Variants in ZNF177 observed in about 807,000 individuals in gnomAD.
The protein encoded by ZNF177 is zinc finger protein 177.
A neutral mutation model predicts 19.4 loss-of-function variants in ZNF177; 17 were observed. The ratio of observed to expected loss-of-function variants is 0.87; its 90% CI spans 0.60 to 1.31. The LOEUF (loss-of-function observed/expected upper bound fraction) is 1.31, where lower values mean the gene tolerates loss of function less well. Ranked by LOEUF, ZNF177 falls within the 40% of genes most tolerant of loss-of-function variation. The probability of loss-of-function intolerance (pLI) is 0.00; values close to 1 mark genes in which losing one functional copy is unlikely to be tolerated. For missense variants in ZNF177, 633 were observed against 561.8 expected (o/e 1.13, Z -1.28); for synonymous variants, 220 against 188.7 (o/e 1.17, Z -1.36).
intron 3 of ZNF177, 57 bp downstream of exon 5, chr19:9,379,145 A>C: frequency 6.5e-7 from 1 of 1,533,910 alleles, no homozygotes; most frequent in Non-Finnish European, 8.8e-7. Context: ...TTAAGCACAT[A>C]TTATGTTCCA....
At chr19:9,380,076 A>T in exon 5 of ZNF177, 1 of 1,611,764 alleles carries the variant, frequency 6.2e-7, no homozygotes, top group Non-Finnish European at 8.5e-7. Flanking sequence ...CTCAACTTAA[A>T]CCAAAAGATA....
At chr19:9,382,003 TTA>T in exon 6 of ZNF177, 1 of 629,328 alleles carries the variant, frequency 1.6e-6, no homozygotes, top group African/African-American at 1.8e-5. Context: ...AATATTTTAG[TTA>T]TCTTTTCAGT....
chr19:9,373,724 G>A (rs2068076100), upstream of ZNF177, among the ~76,000 whole-genome samples: 1 of 151,970 alleles, frequency 6.6e-6, no homozygotes, highest in African/African-American at 2.4e-5. Context: ...ATACCTACTG[G>A]CCATTTTTAT....
At chr19:9,372,732 G>GAA (rs781032606), upstream of ZNF177, among the ~76,000 whole-genome samples, 14 of 151,484 alleles carry the variant, frequency 9.2e-5, no homozygotes, top group Non-Finnish European at 1.8e-4. Context: ...TTTTAATAGA[G>GAA]AAAGGGTTTC....
exon 4 of ZNF177, chr19:9,379,607 G>A (rs556232508): frequency 6.2e-7 from 1 of 1,613,760 alleles, no homozygotes; most frequent in African/African-American, 1.3e-5. Context: ...AATTTTACAA[G>A]GTGACTGTGC....
At chr19:9,374,442 G>A (rs1023927676), upstream of ZNF177, among the ~76,000 whole-genome samples, 3 of 152,118 alleles carry the variant, frequency 2.0e-5, no homozygotes, top group Admixed American at 2.0e-4. Flanking sequence ...AATTTCATAG[G>A]AATTGCATTA....
chr19:9,369,927 G>T (rs1480794149), intron 2 of ZNF177, among the ~76,000 whole-genome samples: 1 of 151,906 alleles, frequency 6.6e-6, no homozygotes, highest in Non-Finnish European at 1.5e-5. Context: ...ATTTTTCCAT[G>T]TCACGAATTT....
chr19:9,374,616 ACT>A (rs985177555), upstream of ZNF177, among the ~76,000 whole-genome samples: 7 of 150,570 alleles, frequency 4.6e-5, no homozygotes, highest in African/African-American at 1.7e-4. Flanking sequence ...TCAGTATTTT[ACT>A]CTTTTTGATA....
At chr19:9,381,842 G>C in exon 6 of ZNF177, 1 of 1,525,782 alleles carries the variant, frequency 6.6e-7, no homozygotes. Flanking sequence ...ATATATTGGA[G>C]AGAAGCCCTG....
chr19:9,365,813 G>A (rs1316008589), intron 2 of ZNF177, among the ~76,000 whole-genome samples: 3 of 152,106 alleles, frequency 2.0e-5, no homozygotes, highest in Non-Finnish European at 2.9e-5. Flanking sequence ...ATGAGAAAGA[G>A]GTTGAGGGAT....
At chr19:9,370,213 G>A (rs1599385562) in intron 2 of ZNF177, among the ~76,000 whole-genome samples, 1 of 151,770 alleles carries the variant, frequency 6.6e-6, no homozygotes, top group African/African-American at 2.4e-5. Flanking sequence ...ATATCCATGG[G>A]GGACTGGTTC....
intron 2 of ZNF177, among the ~76,000 whole-genome samples, chr19:9,367,725 A>G (rs895721319): frequency 7.2e-5 from 11 of 152,208 alleles, no homozygotes; most frequent in Non-Finnish European, 1.3e-4. Context: ...CCCTTTGATA[A>G]GTTAAACTGT....
chr19:9,371,543 C>G (rs2068047464), upstream of ZNF177: 3 of 152,084 alleles, frequency 2.0e-5, no homozygotes. Context: ...AGACATTGTC[C>G]TGCTTTCTTC....
chr19:9,378,183 A>C, intron 1 of ZNF177, 76 bp from the exon 4 acceptor site: 1 of 1,387,614 alleles, frequency 7.2e-7, no homozygotes, highest in Non-Finnish European at 9.6e-7. Context: ...CCCTTTAGTA[A>C]GAAGAAGCTT....
At position 9,365,412 on chromosome 19, in the gene ZNF177, C is replaced by CG. The variant is rs200049973; in HGVS notation, c.-305+470dup. On this transcript the variant is annotated intron_variant, in intron 2 of 8. Coordinates refer to the ZNF177 transcript ENST00000343499. Reference sequence around the variant, plus strand: ...GGGTAGAGACACAGAGAGAAGGGACCGGGGGGTTCTTGCACCCCAGAAAAG... The same window carrying CG: ...GGGTAGAGACACAGAGAGAAGGGACCGGGGGGGTTCTTGCACCCCAGAAAAG... Among the ~76,000 whole-genome samples the CG allele has an allele frequency of 4.6e-3, 691 of 151,360 alleles. 5 individuals carry two copies. The highest frequency in any genetic ancestry group is 0.016 in the African/African-American group (663 of 41,172).
At chr19:9,376,779 ATCTTTT>A (rs2068115424) in intron 1 of ZNF177, among the ~76,000 whole-genome samples, 1 of 152,050 alleles carries the variant, frequency 6.6e-6, no homozygotes, top group Admixed American at 6.5e-5. Context: ...TTATCTTTTA[ATCTTTT>A]ACACTAGAGA....
intron 2 of ZNF177, among the ~76,000 whole-genome samples, chr19:9,366,140 A>C (rs571703268): frequency 6.6e-6 from 1 of 151,956 alleles, no homozygotes; most frequent in Admixed American, 6.6e-5. Flanking sequence ...GCTCCACCAC[A>C]CCCGGCTAAT....
intron 3 of ZNF177, 111 bp from the exon 6 acceptor site, chr19:9,379,416 C>A: frequency 7.3e-7 from 1 of 1,375,724 alleles, no homozygotes; most frequent in South Asian, 1.5e-5. Flanking sequence ...CCTAAAGCTG[C>A]ACTTGACTAT....
upstream of ZNF177, among the ~76,000 whole-genome samples, chr19:9,375,087 A>G (rs1032595845): frequency 1.1e-4 from 11 of 104,416 alleles, no homozygotes; most frequent in Admixed American, 3.7e-4. Context: ...TTCTTCATCT[A>G]TTCTAATGAT....
Sources: allele counts gnomAD v4.1 joint callset (sites outside exome capture counted in the v4.1 genomes callset), GRCh38; gene constraint gnomAD v4.1.1; transcripts MANE v1.5; gene names NCBI Gene and HGNC (gene_info 2026-07-23, HGNC 2026-07-21).